The following HACL2 variants were observed in gnomAD, a reference collection of about 807,000 sequenced individuals.
HACL2 encodes the protein 2-hydroxyacyl-CoA lyase 2.
At chr19:15,119,958 A>G in the HACL2 span, 2 of 1,504,572 alleles carry the variant, frequency 1.3e-6, no homozygotes, top group Non-Finnish European at 1.8e-6. Context: ...TAGGGTCCTC[A>G]GACACAAAAG....
chr19:15,121,756 G>A, the HACL2 span, among the ~76,000 whole-genome samples: 1 of 148,868 alleles, frequency 6.7e-6, no homozygotes, highest in Non-Finnish European at 1.5e-5. Context: ...AGGTTGCAGT[G>A]AGCCGAGATC....
At chr19:15,120,935 A>C in the HACL2 span, among the ~76,000 whole-genome samples, 2 of 152,188 alleles carry the variant, frequency 1.3e-5, no homozygotes, top group Non-Finnish European at 2.9e-5. Context: ...CTGTCTCAAA[A>C]CAAAACAAAA....
chr19:15,115,611 C>T, the HACL2 span: 1 of 1,613,932 alleles, frequency 6.2e-7, no homozygotes, highest in Non-Finnish European at 8.5e-7. Context: ...AGAGAGGGCA[C>T]CTGCTCCCGA....
the HACL2 span, chr19:15,120,232 C>T: frequency 1.9e-6 from 1 of 539,944 alleles, no homozygotes; most frequent in Non-Finnish European, 3.3e-6. Flanking sequence ...GACAGACGAA[C>T]CCTAGTGGCC....
the HACL2 span, chr19:15,123,441 G>A: frequency 1.1e-5 from 17 of 1,614,044 alleles, no homozygotes; most frequent in East Asian, 4.5e-5. This position sits in a 1 kb window ranked among gnomAD's most constrained non-coding sequence, Gnocchi z 5.1. Flanking sequence ...TCCACCACAC[G>A]GATGCCCAGT....
the HACL2 span, chr19:15,123,561 C>T: frequency 1.9e-6 from 3 of 1,614,082 alleles, no homozygotes; most frequent in Non-Finnish European, 1.7e-6. The surrounding 1 kb of genome is among the most constrained non-coding windows in gnomAD (Gnocchi z 5.1). Flanking sequence ...CCATGCCGGA[C>T]GCTTGCCTTG....
chr19:15,115,833 C>A, the HACL2 span: 1 of 1,612,842 alleles, frequency 6.2e-7, no homozygotes, highest in Non-Finnish European at 8.5e-7. Context: ...AAGCTTCCCT[C>A]AGGCCAGCCC....
At chr19:15,118,190 A>G in the HACL2 span, among the ~76,000 whole-genome samples, 1 of 152,174 alleles carries the variant, frequency 6.6e-6, no homozygotes, top group Non-Finnish European at 1.5e-5. Flanking sequence ...GACTGGCCTC[A>G]TGACATGCTT....
the HACL2 span, chr19:15,119,097 G>A: frequency 8.8e-6 from 13 of 1,483,692 alleles, no homozygotes; most frequent in African/African-American, 7.0e-5. Flanking sequence ...CTCCTCCTTC[G>A]TGTGAAGCTG....
the HACL2 span, chr19:15,119,223 G>A: frequency 7.5e-6 from 12 of 1,608,376 alleles, no homozygotes; most frequent in Non-Finnish European, 1.0e-5. Context: ...TCCCGGATGT[G>A]GAGGGGGTGG....
chr19:15,116,033 G>A, the HACL2 span: 1 of 1,614,030 alleles, frequency 6.2e-7, no homozygotes, highest in South Asian at 1.1e-5. Context: ...TTGGCCCCAA[G>A]TGCAAATCCT....
the HACL2 span, among the ~76,000 whole-genome samples, chr19:15,120,882 T>C: frequency 1.3e-5 from 2 of 151,796 alleles, no homozygotes; most frequent in Admixed American, 1.3e-4. Context: ...TGGTGAGCTA[T>C]GATCATACCA....
At chr19:15,117,510 C>CA in the HACL2 span, 418 of 169,670 alleles carry the variant, frequency 2.5e-3, no homozygotes, top group African/African-American at 7.2e-3. Context: ...GCTGATTCCA[C>CA]AAAAAAAAAT....
chr19:15,122,200 C>T, the HACL2 span, among the ~76,000 whole-genome samples: 4 of 151,076 alleles, frequency 2.6e-5, no homozygotes, highest in Non-Finnish European at 4.4e-5. The surrounding 1 kb of genome is among the most constrained non-coding windows in gnomAD (Gnocchi z 4.0). Flanking sequence ...CCACCGCACC[C>T]GGCCTGGGCT....
chr19:15,125,780 T>C, the HACL2 span: 1 of 152,272 alleles, frequency 6.6e-6, no homozygotes, highest in Non-Finnish European at 1.5e-5. Context: ...TCCGGCCCGA[T>C]GCGCATGCGC....
the HACL2 span, chr19:15,115,778 C>A: frequency 6.3e-7 from 1 of 1,577,604 alleles, no homozygotes; most frequent in South Asian, 1.1e-5. Flanking sequence ...GCTCCCTCCC[C>A]ACCTCAGCCC....
At chr19:15,119,739 C>T in the HACL2 span, among the ~76,000 whole-genome samples, 3 of 152,068 alleles carry the variant, frequency 2.0e-5, no homozygotes, top group African/African-American at 7.2e-5. Flanking sequence ...TCAGTAGAGA[C>T]AGGGTTTCAC....
chr19:15,117,860 C>CG, the HACL2 span: 2 of 1,613,392 alleles, frequency 1.2e-6, no homozygotes. Context: ...CATATGTGTA[C>CG]GGGGGGATTA....
At chr19:15,125,515 A>C in the HACL2 span, 9 of 167,000 alleles carry the variant, frequency 5.4e-5, no homozygotes, top group East Asian at 5.7e-4. Context: ...AGCGGGCGCG[A>C]CCCTCCACGC....
Sources: gnomAD v4.1 joint callset for allele counts (sites outside exome capture counted in the v4.1 genomes callset) on GRCh38, gnomAD v4.1.1 for gene constraint, Gnocchi (gnomAD v3.1) non-coding constraint, MANE v1.5 for transcripts, NCBI Gene and HGNC (gene_info 2026-07-23, HGNC 2026-07-21) for gene names.